Variants in CYRIA observed in about 807,000 individuals in gnomAD.
The protein encoded by CYRIA is CYFIP related Rac1 interactor A, also known as CYFIP-related Rac1 interactor A.
CYRIA carries 15 observed loss-of-function variants against 43.9 expected under a neutral mutation model. The observed-to-expected ratio is 0.34, with a 90% CI of 0.23 to 0.53. The LOEUF (loss-of-function observed/expected upper bound fraction) is 0.53. CYRIA is among the 20% of genes least tolerant of loss of function. The probability of loss-of-function intolerance (pLI) is 0.94; values close to 1 mark genes in which losing one functional copy is unlikely to be tolerated. For missense variants in CYRIA, 236 were observed against 394.2 expected, an observed-to-expected ratio of 0.60 and a Z score of 3.40; for synonymous variants, 117 against 136.0, an observed-to-expected ratio of 0.86 and a Z score of 0.97.
At chr2:16,635,889 C>G (rs1246574622) in intron 1 of CYRIA, among the ~76,000 whole-genome samples, 2 of 152,166 alleles carry the variant, frequency 1.3e-5, no homozygotes, top group Non-Finnish European at 2.9e-5. Context: ...TAAAGACAAT[C>G]CTTTTCTTCT....
intron 2 of CYRIA, among the ~76,000 whole-genome samples, chr2:16,611,383 CT>C (rs1668598423): frequency 6.6e-6 from 1 of 152,032 alleles, no homozygotes; most frequent in Non-Finnish European, 1.5e-5. Flanking sequence ...ATAAATAAAT[CT>C]GGTAACCAGT....
At chr2:16,579,505 T>C (rs1188860610) in intron 3 of CYRIA, among the ~76,000 whole-genome samples, 1 of 151,952 alleles carries the variant, frequency 6.6e-6, no homozygotes, top group East Asian at 1.9e-4. Flanking sequence ...ACACATTTCA[T>C]TGAGAAGCTT....
intron 3 of CYRIA, among the ~76,000 whole-genome samples, chr2:16,576,145 G>A (rs1323071153): frequency 6.6e-6 from 1 of 152,166 alleles, no homozygotes; most frequent in Non-Finnish European, 1.5e-5. Context: ...ACACTTTTGG[G>A]AGATATGGAT....
At chr2:16,553,771 C>T (rs2103397368) in intron 11 of CYRIA, among the ~76,000 whole-genome samples, 1 of 152,188 alleles carries the variant, frequency 6.6e-6, no homozygotes, top group East Asian at 1.9e-4. Flanking sequence ...CACAGTGCCT[C>T]CAGGAGGTAC....
chr2:16,631,202 T>C (rs931040922), intron 1 of CYRIA, among the ~76,000 whole-genome samples: 3 of 152,268 alleles, frequency 2.0e-5, no homozygotes, highest in African/African-American at 7.2e-5. Context: ...TCGTGTTTTA[T>C]CTCCACCATT....
At chr2:16,583,425 A>G (rs1401418635) in intron 3 of CYRIA, among the ~76,000 whole-genome samples, 1 of 152,216 alleles carries the variant, frequency 6.6e-6, no homozygotes, top group Non-Finnish European at 1.5e-5. Flanking sequence ...TATCATCAGA[A>G]GCACCTGGAA....
intron 1 of CYRIA, among the ~76,000 whole-genome samples, chr2:16,664,212 G>A (rs1229552581): frequency 6.6e-6 from 1 of 152,164 alleles, no homozygotes; most frequent in Non-Finnish European, 1.5e-5. Flanking sequence ...CCAGAGGCAG[G>A]AGGGAATGTG....
At position 16,551,469 on chromosome 2, in the gene CYRIA, G is replaced by GT. The variant is rs1292808212; in HGVS notation, c.*1466_*1467insA. The GT allele has an allele frequency of 7.2e-5, 11 of 152,184 alleles. No individual in the cohort carries two copies. The highest frequency in any genetic ancestry group is 2.4e-4 in the African/African-American group (10 of 41,444). 9.4% of individuals were successfully genotyped at this position (152,184 alleles called of 1,614,324 possible). A position where few individuals can be genotyped will look rare whatever the true frequency, so the allele number is the denominator to read the frequency against. On this transcript the variant is annotated 3_prime_UTR_variant, in exon 12 of 12. Coordinates refer to ENST00000381323, the MANE Select transcript of CYRIA (RefSeq NM_030797.4). ...GTATTCACAGCCACATGGTATAAAAGGAAGAGCATGGAGTCAAGAGTGAAG... is the reference window on the plus strand; with the variant it reads ...GTATTCACAGCCACATGGTATAAAAGTGAAGAGCATGGAGTCAAGAGTGAAG...
intron 5 of CYRIA, 109 bp from the exon 6 acceptor site, chr2:16,562,250 C>G: frequency 8.2e-7 from 1 of 1,220,836 alleles, no homozygotes; most frequent in South Asian, 1.5e-5. Context: ...CTGCTTGAGT[C>G]TCTCCCGATA....
chr2:16,657,657 G>A lies in CYRIA; in HGVS notation c.-167+8123C>T, dbSNP rs146030394. The stretch of plus-strand genomic sequence containing the variant: ...TCACTTGTGTCATCTGGACTTTGCC[G>A]ACACAGTCAGTTCTTTTAGGCTTTC... On this transcript the variant is annotated intron_variant, in intron 1 of 11. Transcript: ENST00000381323. Among the ~76,000 whole-genome samples, 122 of 152,220 alleles carry A rather than the reference G, an allele frequency of 8.0e-4. 1 individual carries two copies. The highest frequency in any genetic ancestry group is 2.8e-3 in the African/African-American group (116 of 41,534).
Position 16,562,118 on chromosome 2 carries a change from C to A in CYRIA, c.322G>T (p.Glu108Ter). 1.2e-6 allele frequency: 2 copies of A among 1,611,606 alleles called. No homozygotes were observed. The highest frequency in any genetic ancestry group is 1.3e-5 in the African/African-American group (1 of 74,874). The stretch of plus-strand genomic sequence containing the variant: ...GTGTAGGGTGGACAAGTCAGAGATT[C>A]CAATAAACTCTGAAGAGCTTTTTCT... ...RLEKALQSLLESLTCPPYTPT... is the reference protein window; with the variant it reads ...RLEKALQSLL The change falls in exon 6 of 12, where the codon GAA (glutamate) becomes TAA (stop). Residue 108 changes from glutamate (E) to a stop codon, truncating the protein, a stop_gained. Coordinates refer to ENST00000381323, the MANE Select transcript of CYRIA (RefSeq NM_030797.4). LOFTEE classifies it high-confidence loss of function.
chr2:16,642,203 A>G (rs1342700432), intron 1 of CYRIA, among the ~76,000 whole-genome samples: 1 of 152,078 alleles, frequency 6.6e-6, no homozygotes, highest in Non-Finnish European at 1.5e-5. Context: ...GCCAGCAATA[A>G]CCAGCAGTCT....
At chr2:16,565,175 C>CTT (rs367672971) in intron 4 of CYRIA, among the ~76,000 whole-genome samples, 138 of 139,686 alleles carry the variant, frequency 9.9e-4, no homozygotes, top group African/African-American at 2.9e-3. Context: ...GATTCATGCT[C>CTT]TTTTTTTTTT....
chr2:16,642,556 G>T (rs1669705222), intron 1 of CYRIA, among the ~76,000 whole-genome samples: 6 of 152,142 alleles, frequency 3.9e-5, no homozygotes. Context: ...AGTGGCCAGA[G>T]TGATGCCACT....
intron 2 of CYRIA, among the ~76,000 whole-genome samples, chr2:16,598,665 C>T (rs1296857072): frequency 1.1e-5 from 1 of 87,224 alleles, no homozygotes; most frequent in Non-Finnish European, 2.0e-5. Context: ...AACTTCTTTG[C>T]CTTTGGTTTG....
rs1023683370 is a variant in CYRIA, at chr2:16,641,066, C to T, written c.-166-17047G>A. ...TGATCCTACAGTGCCTCACATCCGC[C>T]CCCTCCTCTGCTCCCACTTCTGTTG... On this transcript the variant is annotated intron_variant, in intron 1 of 11. Coordinates refer to ENST00000381323, the MANE Select transcript of CYRIA (RefSeq NM_030797.4). Among the ~76,000 whole-genome samples, 4 of 152,120 alleles carry T rather than the reference C, an allele frequency of 2.6e-5. No individual in the cohort carries two copies. The East Asian group carries it at 7.7e-4, about 29-fold the overall frequency.
chr2:16,646,247 C>G (rs983232843), intron 1 of CYRIA, among the ~76,000 whole-genome samples: 3 of 152,228 alleles, frequency 2.0e-5, no homozygotes, highest in Non-Finnish European at 4.4e-5. Context: ...CATCCTCCCC[C>G]ACCAGGCCAC....
rs1490435763 is a variant in CYRIA at position 16,650,904 on chromosome 2, T to C, written c.-167+14876A>G. On this transcript the variant is annotated intron_variant, in intron 1 of 11. Coordinates refer to ENST00000381323, the MANE Select transcript of CYRIA (RefSeq NM_030797.4). This position sits in a 1 kb window ranked among gnomAD's most constrained non-coding sequence, Gnocchi z 4.1. Reference sequence around the variant, plus strand: ...CCTGTTGTTTTAAATTCAAACCTTATTGTTCTTTTTCTTTGCTTTATTATC... The same window carrying C: ...CCTGTTGTTTTAAATTCAAACCTTACTGTTCTTTTTCTTTGCTTTATTATC... Among the ~76,000 whole-genome samples, 2 of 152,232 alleles carry C rather than the reference T, an allele frequency of 1.3e-5. No homozygotes were observed. The highest frequency in any genetic ancestry group is 2.9e-5 in the Non-Finnish European group (2 of 68,042).
intron 2 of CYRIA, among the ~76,000 whole-genome samples, chr2:16,603,928 G>A (rs1179209567): frequency 3.3e-5 from 5 of 152,186 alleles, no homozygotes; most frequent in Admixed American, 3.3e-4. Context: ...GGAAAATGAT[G>A]TTGTAATTAT....
Sources: gnomAD v4.1 joint callset for allele counts (sites outside exome capture counted in the v4.1 genomes callset) on GRCh38, gnomAD v4.1.1 for gene constraint, Gnocchi (gnomAD v3.1) non-coding constraint, MANE v1.5 for transcripts, NCBI Gene and HGNC (gene_info 2026-07-23, HGNC 2026-07-21) for gene names.